Variants in NAV1 observed in about 807,000 individuals in gnomAD.
NAV1 encodes the protein pore membrane and/or filament interacting like protein 3.
In NAV1, 18 loss-of-function variants were observed where a neutral mutation model predicts 175.2. The observed-to-expected ratio is 0.10, with a 90% confidence interval of 0.07 to 0.15. The LOEUF (loss-of-function observed/expected upper bound fraction) is 0.15. Among genes scored for constraint, NAV1 ranks in the 10% least tolerant of loss-of-function variants. The pLI, the probability that NAV1 is intolerant of heterozygous loss-of-function variation, is 1.00. For missense variants in NAV1, 1,731 were observed against 2,436.6 expected, an observed-to-expected ratio of 0.71 and a Z score of 6.10; for synonymous variants, 897 against 978.7, an observed-to-expected ratio of 0.92 and a Z score of 1.56.
chr1:201,564,373 G>T (rs1236490381), intron 1 of NAV1, among the ~76,000 whole-genome samples: 1 of 152,154 alleles, frequency 6.6e-6, no homozygotes, highest in Non-Finnish European at 1.5e-5. Context: ...CCAGCACTTT[G>T]GGAGGCCGAG....
At chr1:201,670,230 A>T (rs908727257) in intron 1 of NAV1, among the ~76,000 whole-genome samples, 7 of 151,550 alleles carry the variant, frequency 4.6e-5, no homozygotes, top group Non-Finnish European at 8.8e-5. Context: ...ATACAAAAAA[A>T]TTAGCCGGGC....
chr1:201,643,750 C>A (rs1408361330), upstream of NAV1, among the ~76,000 whole-genome samples: 1 of 152,098 alleles, frequency 6.6e-6, no homozygotes, highest in African/African-American at 2.4e-5. Context: ...CTGGGGACAG[C>A]CTTCCCACCC....
At chr1:201,677,972 T>C (rs1482630748) in intron 1 of NAV1, among the ~76,000 whole-genome samples, 3 of 152,084 alleles carry the variant, frequency 2.0e-5, no homozygotes, top group Non-Finnish European at 4.4e-5. Context: ...CCAAACATGC[T>C]GCCCCATTCT....
chr1:201,716,200 C>A (rs1558092350), intron 2 of NAV1, among the ~76,000 whole-genome samples: 1 of 152,176 alleles, frequency 6.6e-6, no homozygotes, highest in Non-Finnish European at 1.5e-5. Context: ...CCCCGCCACC[C>A]TCTTAGTATG....
chr1:201,811,502 G>C, intron 24 of NAV1, 101 bp from the exon 29 acceptor site: 2 of 1,426,000 alleles, frequency 1.4e-6, no homozygotes, highest in East Asian at 2.3e-5. Context: ...AAAGGCCCCA[G>C]GGGAATCTAG....
chr1:201,613,279 T>C (rs551639327), intron 2 of NAV1, among the ~76,000 whole-genome samples: 7 of 152,274 alleles, frequency 4.6e-5, no homozygotes, highest in African/African-American at 1.7e-4. Context: ...TGCTGTGTAA[T>C]TTGGTTACCC....
At chr1:201,738,539 G>A (rs1159187069) in intron 3 of NAV1, among the ~76,000 whole-genome samples, 3 of 152,108 alleles carry the variant, frequency 2.0e-5, no homozygotes, top group Non-Finnish European at 4.4e-5. Context: ...AATAGTAGGG[G>A]CAGCCTGCAT....
intron 3 of NAV1, among the ~76,000 whole-genome samples, chr1:201,755,607 T>C (rs568684802): frequency 6.6e-6 from 1 of 152,318 alleles, no homozygotes; most frequent in Admixed American, 6.5e-5. Flanking sequence ...AGATATAGGC[T>C]AGGAAAACTT....
Position 201,750,791 on chromosome 1 carries a change from C to G in NAV1, c.1227-29630C>G, listed in dbSNP as rs576932789. 6.6e-6 allele frequency among the ~76,000 whole-genome samples: 1 copy of G among 151,828 alleles called. No homozygotes were observed. Among genetic ancestry groups the G allele is most frequent in the Admixed American group, 6.6e-5 (1 of 15,260 alleles). On this transcript the variant is annotated intron_variant, in intron 3 of 29. Transcript: ENST00000367296. This position sits in a 1 kb window ranked among gnomAD's most constrained non-coding sequence, Gnocchi z 4.1. ...TTTGGCCTGCCTGCCTTTCTGAGAT[C>G]GGAGGAGGCCTGGAGGGTGGGGTGA...
chr1:201,579,624 G>A (rs951878341), intron 1 of NAV1, among the ~76,000 whole-genome samples: 2 of 152,144 alleles, frequency 1.3e-5, no homozygotes, highest in African/African-American at 4.8e-5. Context: ...TCAAAACGCT[G>A]GGATTACAGA....
chr1:201,685,270 C>A (rs1481887063), intron 1 of NAV1, among the ~76,000 whole-genome samples: 3 of 152,136 alleles, frequency 2.0e-5, no homozygotes, highest in Non-Finnish European at 4.4e-5. Context: ...CCTGGTTATT[C>A]TGAATCACAG....
chr1:201,561,751 G>A (rs1454890163), intron 1 of NAV1, among the ~76,000 whole-genome samples: 1 of 152,126 alleles, frequency 6.6e-6, no homozygotes, highest in Non-Finnish European at 1.5e-5. Flanking sequence ...GTGTTTGGCT[G>A]TGTTCCCTAC....
intron 29 of NAV1, among the ~76,000 whole-genome samples, chr1:201,818,369 A>C (rs917094135): frequency 2.6e-5 from 4 of 151,900 alleles, no homozygotes; most frequent in Non-Finnish European, 5.9e-5. Context: ...TCTACTAAAA[A>C]TACAAAAAAT....
chr1:201,737,999 T>G (rs969614922), intron 3 of NAV1, among the ~76,000 whole-genome samples: 5 of 151,926 alleles, frequency 3.3e-5, no homozygotes, highest in Non-Finnish European at 1.5e-5. Flanking sequence ...CGGGTGGTGG[T>G]GAGGATGGGA....
upstream of NAV1, among the ~76,000 whole-genome samples, chr1:201,643,373 T>C (rs541549413): frequency 5.4e-5 from 8 of 148,648 alleles, no homozygotes; most frequent in South Asian, 2.1e-4. Context: ...TCTTTCTTTC[T>C]TTCTTTTTCC....
chr1:201,711,609 G>C (rs898847627), intron 1 of NAV1, among the ~76,000 whole-genome samples: 1 of 152,240 alleles, frequency 6.6e-6, no homozygotes, highest in African/African-American at 2.4e-5. Flanking sequence ...GGAAAAGGGA[G>C]CAGCCTGGAG....
exon 1 of NAV1, chr1:201,648,900 G>A (rs903312493): frequency 6.2e-7 from 1 of 1,612,722 alleles, no homozygotes; most frequent in Admixed American, 1.7e-5. Context: ...CCGTGTCCCC[G>A]GCGGGCCGCC....
chr1:201,675,475 CT>C (rs1434804766), intron 1 of NAV1, among the ~76,000 whole-genome samples: 3 of 152,288 alleles, frequency 2.0e-5, no homozygotes, highest in Admixed American at 6.5e-5. Flanking sequence ...AAAGTCCCTG[CT>C]TTTAGACAGT....
intron 1 of NAV1, among the ~76,000 whole-genome samples, chr1:201,560,384 C>A (rs1354030957): frequency 6.6e-6 from 1 of 152,208 alleles, no homozygotes; most frequent in Admixed American, 6.5e-5. Flanking sequence ...TTAGCCAGCG[C>A]CAGCTTCCCC....
Sources: gnomAD v4.1 joint callset for allele counts (sites outside exome capture counted in the v4.1 genomes callset) on GRCh38, gnomAD v4.1.1 for gene constraint, Gnocchi (gnomAD v3.1) non-coding constraint, MANE v1.5 for transcripts, NCBI Gene and HGNC (gene_info 2026-07-23, HGNC 2026-07-21) for gene names.